UCHL5: variants seen among roughly 807,000 people sequenced by gnomAD.
UCHL5 encodes the protein ubiquitin C-terminal hydrolase L5, also known as ubiquitin carboxyl-terminal hydrolase isozyme L5.
UCHL5 carries 34 observed loss-of-function variants against 53.8 expected under a neutral mutation model. The ratio of observed to expected loss-of-function variants is 0.63; its 90% CI spans 0.48 to 0.84. UCHL5 has a LOEUF of 0.84. Among genes scored for constraint, UCHL5 ranks in the 40% least tolerant of loss-of-function variants. The pLI is 0.00. For missense variants in UCHL5, 290 were observed against 385.6 expected, an observed-to-expected ratio of 0.75 and a Z score of 2.08; for synonymous variants, 111 against 126.3, an observed-to-expected ratio of 0.88 and a Z score of 0.81.
At chr1:193,026,607 A>G (rs961658523) in intron 7 of UCHL5, among the ~76,000 whole-genome samples, 1 of 152,232 alleles carries the variant, frequency 6.6e-6, no homozygotes, top group Non-Finnish European at 1.5e-5. Flanking sequence ...AATGCTAAAA[A>G]GGATGCAGAG....
upstream of UCHL5, chr1:193,059,493 A>C (rs1213596623): frequency 1.2e-6 from 2 of 1,600,960 alleles, no homozygotes; most frequent in Non-Finnish European, 1.7e-6. The surrounding 1 kb of genome is among the most constrained non-coding windows in gnomAD (Gnocchi z 4.9). Context: ...CAGCACCCGT[A>C]GCGGATTCGG....
intron 3 of UCHL5, among the ~76,000 whole-genome samples, chr1:193,044,782 G>C (rs1666848790): frequency 6.6e-6 from 1 of 152,008 alleles, no homozygotes; most frequent in Non-Finnish European, 1.5e-5. Flanking sequence ...ATTACATATT[G>C]ATGTAATATA....
chr1:193,051,923 T>C, intron 1 of UCHL5, 106 bp from the exon 2 acceptor site: 1 of 772,930 alleles, frequency 1.3e-6, no homozygotes, highest in East Asian at 2.6e-5. Flanking sequence ...CAAAACAAAA[T>C]GGTAAAACTA....
At chr1:193,027,485 G>C (rs897775252) in intron 7 of UCHL5, among the ~76,000 whole-genome samples, 1 of 152,064 alleles carries the variant, frequency 6.6e-6, no homozygotes, top group East Asian at 1.9e-4. Flanking sequence ...AGGAGTTTGA[G>C]ACAAGCCTGG....
At chr1:193,026,933 G>C (rs890556553) in intron 7 of UCHL5, among the ~76,000 whole-genome samples, 1 of 152,142 alleles carries the variant, frequency 6.6e-6, no homozygotes, top group African/African-American at 2.4e-5. Flanking sequence ...ATGAACTACT[G>C]ATACACTTAA....
chr1:193,056,090 ATTTCT>A (rs1480944822), intron 1 of UCHL5, among the ~76,000 whole-genome samples: 3 of 152,118 alleles, frequency 2.0e-5, no homozygotes, highest in Non-Finnish European at 4.4e-5. Context: ...CTGGTTATCT[ATTTCT>A]TAAGTGAACT....
chr1:193,020,492 T>C (rs1656589708), intron 10 of UCHL5: 1 of 1,479,962 alleles, frequency 6.8e-7, no homozygotes, highest in Non-Finnish European at 9.0e-7. Flanking sequence ...TTTTAAAGAG[T>C]ATCCACTGAT....
intron 3 of UCHL5, among the ~76,000 whole-genome samples, chr1:193,048,604 T>C (rs892290382): frequency 2.6e-5 from 4 of 152,236 alleles, no homozygotes; most frequent in Admixed American, 6.5e-5. Context: ...CTGAAAAAGA[T>C]AATATTTCTC....
rs751330664 is a variant in UCHL5, at chr1:193,018,769, T to G, written c.942+2328A>C. The G allele has an allele frequency of 2.6e-6, 4 of 1,538,324 alleles. No homozygotes were observed. In the East Asian group the frequency reaches 9.7e-5, roughly 37 times the overall value. On this transcript the variant is annotated intron_variant, in intron 10 of 10. Transcript: ENST00000367454. ...CTGCATGGTGCAGCCATATCTTTCCTGTTTGTTTCCTTCTATTCCTTCTCA... is the reference window on the plus strand; with the variant it reads ...CTGCATGGTGCAGCCATATCTTTCCGGTTTGTTTCCTTCTATTCCTTCTCA...
Position 193,023,872 on chromosome 1 carries a change from A to G in UCHL5, c.704T>C (p.Ile235Thr). The G allele has an allele frequency of 6.2e-7, 1 of 1,613,278 alleles. No homozygotes were observed. The highest frequency in any genetic ancestry group is 8.5e-7 in the Non-Finnish European group (1 of 1,179,724). The change falls in exon 8 of 11, where the codon ATA becomes ACA. Residue 235 changes from isoleucine to threonine, a missense_variant. Transcript: ENST00000367454. ...TGCAAGTTGTCTTTGTAACTCTGCT[A>G]TCTTCTGCTCATATATCATTTTTCT... ...SDRKMIYEQK[I>T]AELQRQLAEE...
chr1:193,016,178 A>C lies in UCHL5; in HGVS notation c.*173T>G. ...TTCATTTAATATGCACTACATGCACATGATGCAGGTAGGGAAGAAGTTTAT... is the reference window on the plus strand; with the variant it reads ...TTCATTTAATATGCACTACATGCACCTGATGCAGGTAGGGAAGAAGTTTAT... On this transcript the variant is annotated 3_prime_UTR_variant, in exon 11 of 11. Coordinates refer to ENST00000367454, the MANE Select transcript of UCHL5 (RefSeq NM_001199261.3). 1 of 671,796 alleles carries C rather than the reference A, an allele frequency of 1.5e-6. No homozygotes were observed. The highest frequency in any genetic ancestry group is 2.5e-6 in the Non-Finnish European group (1 of 392,214). The allele number at this position is 671,796 out of a possible 1,614,324, so 41.6% of individuals were successfully genotyped here.
chr1:193,052,404 G>A (rs1462697512), intron 1 of UCHL5, among the ~76,000 whole-genome samples: 1 of 152,064 alleles, frequency 6.6e-6, no homozygotes, highest in Non-Finnish European at 1.5e-5. Flanking sequence ...TATTGTCACT[G>A]GTGTGGACGG....
At position 193,059,140 on chromosome 1, in the gene UCHL5, C is replaced by T. The variant is rs1397640024; in HGVS notation, c.76+45G>A. On this transcript the variant is annotated intron_variant, in intron 1 of 10. Coordinates refer to ENST00000367454, the MANE Select transcript of UCHL5 (RefSeq NM_001199261.3). The surrounding 1 kb of genome is among the most constrained non-coding windows in gnomAD (Gnocchi z 4.9). ...GAACCACTCCATGCCCAGCTTGGGC[C>T]TCCTCCCGTGACCCCAGGCCCAGGA... The T allele has an allele frequency of 7.4e-6, 11 of 1,494,452 alleles. No individual in the cohort carries two copies. The highest frequency in any genetic ancestry group is 2.1e-4 in the Middle Eastern group (1 of 4,710). The allele number at this position is 1,494,452 out of a possible 1,614,324, so 92.6% of individuals were successfully genotyped here. A position where few individuals can be genotyped will look rare whatever the true frequency, so the allele number is the denominator to read the frequency against.
At chr1:193,059,825 G>A, upstream of UCHL5, 1 of 1,358,262 alleles carries the variant, frequency 7.4e-7, no homozygotes, top group Non-Finnish European at 9.8e-7. This position sits in a 1 kb window ranked among gnomAD's most constrained non-coding sequence, Gnocchi z 4.9. Flanking sequence ...GCGGCCCCAG[G>A]GACGCGCAAA....
chr1:193,057,728 A>G (rs1283888052), intron 1 of UCHL5, among the ~76,000 whole-genome samples: 1 of 152,230 alleles, frequency 6.6e-6, no homozygotes, highest in African/African-American at 2.4e-5. Context: ...CCAGTCTGCT[A>G]TATTATGTTC....
intron 3 of UCHL5, among the ~76,000 whole-genome samples, chr1:193,040,308 A>T (rs915213344): frequency 6.6e-6 from 1 of 152,058 alleles, no homozygotes; most frequent in African/African-American, 2.4e-5. Context: ...AGGAGAAGAT[A>T]AAAAAAATCA....
intron 3 of UCHL5, among the ~76,000 whole-genome samples, chr1:193,035,024 T>C (rs1301993458): frequency 1.3e-5 from 2 of 151,920 alleles, no homozygotes; most frequent in Non-Finnish European, 2.9e-5. Flanking sequence ...TGGAGGGTCT[T>C]AGCTAGGAAC....
chr1:193,057,967 C>T (rs1397484827), intron 1 of UCHL5, among the ~76,000 whole-genome samples: 3 of 152,176 alleles, frequency 2.0e-5, no homozygotes, highest in African/African-American at 7.2e-5. Flanking sequence ...GCGTGGCTCA[C>T]GCCTGTAATC....
At chr1:193,059,829 GCGCAAATTCTGACCAGTCCTC>G (rs1295135027), upstream of UCHL5, 1 of 1,358,888 alleles carries the variant, frequency 7.4e-7, no homozygotes, top group South Asian at 1.2e-5. This position sits in a 1 kb window ranked among gnomAD's most constrained non-coding sequence, Gnocchi z 4.9. Context: ...CCCCAGGGAC[GCGCAAATTCTGACCAGTCCTC>G]CATGTCTCTC....
Sources: allele counts gnomAD v4.1 joint callset (sites outside exome capture counted in the v4.1 genomes callset), GRCh38; gene constraint gnomAD v4.1.1; non-coding constraint Gnocchi (gnomAD v3.1); transcripts MANE v1.5; gene names NCBI Gene and HGNC (gene_info 2026-07-23, HGNC 2026-07-21).